FER: variants seen among roughly 807,000 people sequenced by gnomAD.
FER encodes the protein FER tyrosine kinase, also known as tyrosine-protein kinase Fer.
In FER, 63 loss-of-function variants were observed where a neutral mutation model predicts 111.0. That is an observed-to-expected ratio of 0.57 (90% CI 0.46 to 0.70). The LOEUF (loss-of-function observed/expected upper bound fraction) is 0.70, where lower values mean the gene tolerates loss of function less well. Among genes scored for constraint, FER ranks in the 30% least tolerant of loss-of-function variants. The pLI is 0.00. For missense variants in FER, 914 were observed against 954.0 expected, an observed-to-expected ratio of 0.96 and a Z score of 0.55; for synonymous variants, 327 against 313.9, an observed-to-expected ratio of 1.04 and a Z score of -0.44.
chr5:108,991,448 C>A (rs1271658005), intron 13 of FER, among the ~76,000 whole-genome samples: 1 of 151,744 alleles, frequency 6.6e-6, no homozygotes, highest in Non-Finnish European at 1.5e-5. Context: ...ATTTGTTTAT[C>A]CATATGTAAG....
At chr5:109,158,907 T>C (rs1437130929) in intron 17 of FER, among the ~76,000 whole-genome samples, 5 of 152,184 alleles carry the variant, frequency 3.3e-5, no homozygotes, top group African/African-American at 1.2e-4. Context: ...TGTTCATGAA[T>C]ACCAATAATG....
intron 3 of FER, among the ~76,000 whole-genome samples, chr5:108,825,518 G>T (rs1431029934): frequency 1.3e-5 from 2 of 151,990 alleles, no homozygotes; most frequent in Non-Finnish European, 2.9e-5. Flanking sequence ...TCTTTTTTCA[G>T]GGTGCCCACA....
intron 8 of FER, among the ~76,000 whole-genome samples, chr5:108,877,062 ACTCCTGT>A (rs1765160292): frequency 6.6e-6 from 1 of 151,870 alleles, no homozygotes; most frequent in Non-Finnish European, 1.5e-5. Context: ...ATGGTTGCTG[ACTCCTGT>A]TACAGAGGAT....
chr5:108,829,502 A>T (rs1399037031), intron 3 of FER, among the ~76,000 whole-genome samples: 2 of 152,074 alleles, frequency 1.3e-5, no homozygotes, highest in East Asian at 3.9e-4. Context: ...AGCTGGACAT[A>T]GTGGTGCATG....
chr5:108,914,556 T>C (rs533275014), intron 10 of FER, among the ~76,000 whole-genome samples: 19 of 152,330 alleles, frequency 1.2e-4, no homozygotes, highest in African/African-American at 4.6e-4. Flanking sequence ...CCTTATTAAA[T>C]TCTGAATGCC....
intron 5 of FER, among the ~76,000 whole-genome samples, chr5:108,854,297 G>T (rs1580883858): frequency 1.3e-5 from 2 of 152,180 alleles, no homozygotes; most frequent in Admixed American, 1.3e-4. Flanking sequence ...TCTCTTAAAG[G>T]GTCATCACAG....
chr5:108,761,609 G>A (rs183523129), intron 1 of FER, among the ~76,000 whole-genome samples: 11 of 152,284 alleles, frequency 7.2e-5, no homozygotes, highest in Admixed American at 2.0e-4. Context: ...ACACAGAGGC[G>A]TGAAATGTGT....
At chr5:108,835,457 A>C (rs2150139605) in intron 4 of FER, among the ~76,000 whole-genome samples, 1 of 152,194 alleles carries the variant, frequency 6.6e-6, no homozygotes, top group Non-Finnish European at 1.5e-5. Flanking sequence ...AGTGCTGGTT[A>C]CAGGCGTGAG....
intron 18 of FER, among the ~76,000 whole-genome samples, chr5:109,183,032 G>A (rs1376315510): frequency 3.3e-5 from 5 of 152,064 alleles, no homozygotes; most frequent in African/African-American, 1.2e-4. Context: ...TCTAGAGTGA[G>A]GGACTTTTTT....
chr5:109,142,712 G>C (rs1235251506), intron 17 of FER, among the ~76,000 whole-genome samples: 1 of 151,646 alleles, frequency 6.6e-6, no homozygotes, highest in Non-Finnish European at 1.5e-5. Flanking sequence ...TTGACTAACA[G>C]AAGAGGACAA....
intron 13 of FER, among the ~76,000 whole-genome samples, chr5:108,989,018 C>T (rs1487837635): frequency 6.6e-6 from 1 of 151,972 alleles, no homozygotes; most frequent in African/African-American, 2.4e-5. Flanking sequence ...TTTTAATTTC[C>T]ATCTTGATTT....
At chr5:109,176,012 A>G (rs904436889) in intron 17 of FER, among the ~76,000 whole-genome samples, 2 of 152,134 alleles carry the variant, frequency 1.3e-5, no homozygotes, top group African/African-American at 4.8e-5. Context: ...CAAATAACAA[A>G]TGCTGGCAAG....
chr5:109,121,408 A>C (rs1218998491), intron 17 of FER, among the ~76,000 whole-genome samples: 2 of 152,064 alleles, frequency 1.3e-5, no homozygotes, highest in East Asian at 3.9e-4. Context: ...ATCGAGTTGC[A>C]TGTATGTTGG....
intron 6 of FER, 54 bp from the exon 7 acceptor site, chr5:108,871,311 G>C: frequency 1.4e-6 from 2 of 1,431,720 alleles, no homozygotes; most frequent in Non-Finnish European, 1.9e-6. Flanking sequence ...TTTTGAGATA[G>C]TATCTCTCTT....
intron 17 of FER, among the ~76,000 whole-genome samples, chr5:109,180,474 TTTCTC>T (rs1312230173): frequency 3.3e-5 from 5 of 152,150 alleles, no homozygotes; most frequent in Admixed American, 6.5e-5. Flanking sequence ...TCTCTGTAAT[TTTCTC>T]TTTTAAAGCT....
intron 16 of FER, among the ~76,000 whole-genome samples, chr5:109,053,181 C>A (rs368483132): frequency 6.6e-6 from 1 of 151,936 alleles, no homozygotes; most frequent in Non-Finnish European, 1.5e-5. Flanking sequence ...GTCAGGCATT[C>A]GGGACCAGCC....
intron 16 of FER, among the ~76,000 whole-genome samples, chr5:109,088,919 A>G (rs1350892194): frequency 6.6e-6 from 1 of 152,212 alleles, no homozygotes; most frequent in Admixed American, 6.5e-5. Context: ...GCACTGAGAC[A>G]TGTGGTTCAT....
At chr5:109,168,621 A>G (rs1477218593) in intron 17 of FER, among the ~76,000 whole-genome samples, 1 of 152,182 alleles carries the variant, frequency 6.6e-6, no homozygotes, top group African/African-American at 2.4e-5. Context: ...GTATTCTTCA[A>G]GATATTATTT....
chr5:108,809,110 A>AT (rs1271980089), intron 3 of FER, among the ~76,000 whole-genome samples: 6 of 152,048 alleles, frequency 3.9e-5, no homozygotes, highest in South Asian at 4.1e-4. Context: ...TGTTACCTGG[A>AT]TTTTTTTGTA....
Sources: gnomAD v4.1 joint callset for allele counts (sites outside exome capture counted in the v4.1 genomes callset) on GRCh38, gnomAD v4.1.1 for gene constraint, MANE v1.5 for transcripts, NCBI Gene and HGNC (gene_info 2026-07-23, HGNC 2026-07-21) for gene names.